The following RCOR1 variants were observed in gnomAD, a reference collection of about 807,000 sequenced individuals.
RCOR1 encodes the protein REST corepressor 1, also known as REST corepressor.
Under a neutral mutation model 64.0 loss-of-function variants are expected in RCOR1, and 12 were observed. The observed-to-expected ratio is 0.19, with a 90% CI of 0.12 to 0.30. The LOEUF is 0.30. RCOR1 is among the 10% of genes least tolerant of loss of function. The pLI is 1.00. For missense variants in RCOR1, 502 were observed against 621.2 expected (o/e 0.81, Z 2.04); for synonymous variants, 279 against 227.2 (o/e 1.23, Z -2.05).
rs1893152661 is a variant in RCOR1, at chr14:102,592,751, A to C, written c.-136A>C. On this transcript the variant is annotated 5_prime_UTR_variant, in exon 1 of 12. Transcript: ENST00000262241. Reference sequence around the variant, plus strand: ...GCTCTGCCCGTTTGGGCCTCCCCCGACTCGGACTCGCGCCCGTGGGCTCCC... The same window carrying C: ...GCTCTGCCCGTTTGGGCCTCCCCCGCCTCGGACTCGCGCCCGTGGGCTCCC... 2 of 1,210,074 alleles carry C rather than the reference A, an allele frequency of 1.7e-6. No homozygotes were observed. Among genetic ancestry groups the C allele is most frequent in the South Asian group, 8.3e-5 (2 of 24,008 alleles). The allele number at this position is 1,210,074 out of a possible 1,614,324, so 75.0% of individuals were successfully genotyped here. A position where few individuals can be genotyped will look rare whatever the true frequency, so the allele number is the denominator to read the frequency against.
chr14:102,656,208 A>T (rs1365899808), intron 2 of RCOR1: 1 of 637,930 alleles, frequency 1.6e-6, no homozygotes, highest in African/African-American at 2.0e-5. Context: ...GGTGTGATCT[A>T]GGCTCACTGC....
intron 3 of RCOR1, among the ~76,000 whole-genome samples, chr14:102,691,948 C>G (rs1895542099): frequency 6.6e-6 from 1 of 152,136 alleles, no homozygotes; most frequent in Non-Finnish European, 1.5e-5. Flanking sequence ...TCTGAGAGAT[C>G]AGTGCCAAAT....
At chr14:102,625,497 A>G (rs958286421) in intron 2 of RCOR1, among the ~76,000 whole-genome samples, 1 of 149,716 alleles carries the variant, frequency 6.7e-6, no homozygotes, top group Non-Finnish European at 1.5e-5. Flanking sequence ...GGCCTCCCAA[A>G]GTGCTGGGAT....
chr14:102,610,071 A>G (rs1893594371), intron 2 of RCOR1, among the ~76,000 whole-genome samples: 1 of 151,918 alleles, frequency 6.6e-6, no homozygotes, highest in South Asian at 2.1e-4. Context: ...TGGAGGTTGC[A>G]GTGAGCCGAG....
chr14:102,659,342 A>C, intron 2 of RCOR1: 11 of 873,206 alleles, frequency 1.3e-5, no homozygotes, highest in Non-Finnish European at 1.5e-5. Flanking sequence ...ATTAAGGCTC[A>C]TAAAGTCTTC....
At chr14:102,708,982 CTG>C (rs71470224) in intron 6 of RCOR1, among the ~76,000 whole-genome samples, 10,637 of 152,184 alleles carry the variant, frequency 0.07, 577 homozygotes, top group African/African-American at 0.15. Context: ...TTTTGACCAT[CTG>C]TTTTTTGTGT....
At chr14:102,662,659 G>A in intron 2 of RCOR1, 1 of 447,406 alleles carries the variant, frequency 2.2e-6, no homozygotes, top group Non-Finnish European at 4.3e-6. Context: ...CTTTGCTTTG[G>A]CTTCGGCTTG....
intron 2 of RCOR1, among the ~76,000 whole-genome samples, chr14:102,650,197 CAAAA>C (rs35233018): frequency 4.8e-5 from 4 of 83,770 alleles, no homozygotes; most frequent in Non-Finnish European, 7.4e-5. Context: ...GACTCCACCG[CAAAA>C]AAAAAAAAAA....
At chr14:102,608,715 G>A (rs1313662673) in intron 2 of RCOR1, among the ~76,000 whole-genome samples, 15 of 151,596 alleles carry the variant, frequency 9.9e-5, no homozygotes, top group Admixed American at 8.6e-4. Flanking sequence ...GGTTACAGGT[G>A]CCTGGCCTAA....
chr14:102,599,258 A>C (rs1411857355), intron 2 of RCOR1, among the ~76,000 whole-genome samples: 1 of 151,976 alleles, frequency 6.6e-6, no homozygotes, highest in Non-Finnish European at 1.5e-5. Flanking sequence ...CCTCGAAAGT[A>C]GCTGGGACTA....
chr14:102,616,624 T>C (rs187374649), intron 2 of RCOR1, among the ~76,000 whole-genome samples: 28 of 152,228 alleles, frequency 1.8e-4, no homozygotes, highest in Admixed American at 3.9e-4. Context: ...GAGATACATA[T>C]AGGGCCAGGA....
At chr14:102,659,582 CA>C (rs1468648671) in intron 2 of RCOR1, among the ~76,000 whole-genome samples, 2 of 152,134 alleles carry the variant, frequency 1.3e-5, no homozygotes, top group Non-Finnish European at 2.9e-5. Flanking sequence ...TCACCTCTGC[CA>C]AGACACTTCA....
intron 10 of RCOR1, among the ~76,000 whole-genome samples, chr14:102,721,711 C>G (rs1896173463): frequency 6.6e-6 from 1 of 152,072 alleles, no homozygotes; most frequent in Non-Finnish European, 1.5e-5. Context: ...TTCCTTTGGG[C>G]TTTTTTCTTT....
At chr14:102,643,145 G>GGT (rs1199204063) in intron 2 of RCOR1, 1 of 153,062 alleles carries the variant, frequency 6.5e-6, no homozygotes, top group African/African-American at 2.4e-5. Context: ...AGCCGGGCGT[G>GGT]GTGGCGGGTG....
chr14:102,646,476 G>C (rs1049785116), intron 2 of RCOR1, among the ~76,000 whole-genome samples: 1 of 152,122 alleles, frequency 6.6e-6, no homozygotes, highest in Non-Finnish European at 1.5e-5. Flanking sequence ...AAAGCAAGAA[G>C]GTATAAAGTA....
chr14:102,613,328 A>G (rs958048426), intron 2 of RCOR1, among the ~76,000 whole-genome samples: 3 of 151,056 alleles, frequency 2.0e-5, no homozygotes, highest in Non-Finnish European at 2.9e-5. Context: ...TATCAAACTC[A>G]TGACCTCAGG....
intron 2 of RCOR1, among the ~76,000 whole-genome samples, chr14:102,654,698 T>C (rs1283430519): frequency 6.6e-6 from 1 of 150,852 alleles, no homozygotes; most frequent in Non-Finnish European, 1.5e-5. Flanking sequence ...AGAACCTGTC[T>C]CTACAAGAAA....
intron 3 of RCOR1, among the ~76,000 whole-genome samples, chr14:102,697,530 G>A (rs1264055802): frequency 6.6e-6 from 1 of 152,180 alleles, no homozygotes; most frequent in Non-Finnish European, 1.5e-5. Flanking sequence ...GAATGAAAAA[G>A]TGTATATTTG....
chr14:102,656,010 A>G lies in RCOR1; in HGVS notation c.362-25885A>G, dbSNP rs1002708605. 1.9e-4 allele frequency: 184 copies of G among 985,042 alleles called. 1 individual carries two copies. The highest frequency in any genetic ancestry group is 2.1e-4 in the Non-Finnish European group (175 of 829,890). The allele number at this position is 985,042 out of a possible 1,614,324, so 61.0% of individuals were successfully genotyped here. A position where few individuals can be genotyped will look rare whatever the true frequency, so the allele number is the denominator to read the frequency against. The stretch of plus-strand genomic sequence containing the variant: ...ACACGTGAAATAAACCTATGAACCA[A>G]CTAATGCAGTGGATTCCAAAATTAA... On this transcript the variant is annotated intron_variant, in intron 2 of 11. Coordinates refer to ENST00000262241, the MANE Select transcript of RCOR1 (RefSeq NM_015156.4).
Sources: gnomAD v4.1 joint callset for allele counts (sites outside exome capture counted in the v4.1 genomes callset) on GRCh38, gnomAD v4.1.1 for gene constraint, MANE v1.5 for transcripts, NCBI Gene and HGNC (gene_info 2026-07-23, HGNC 2026-07-21) for gene names.